RNFT2: variants seen among roughly 807,000 people sequenced by gnomAD.
The protein encoded by RNFT2 is ring finger protein, transmembrane 2, also known as E3 ubiquitin-protein ligase RNFT2.
In RNFT2, 36 loss-of-function variants were observed where a neutral mutation model predicts 53.0. The observed-to-expected ratio is 0.68, with a 90% confidence interval of 0.52 to 0.90. The LOEUF is 0.90. Among genes scored for constraint, RNFT2 ranks in the 40% least tolerant of loss-of-function variants. The pLI, the probability that RNFT2 is intolerant of heterozygous loss-of-function variation, is 0.00. For synonymous variants in RNFT2, 260 were observed against 253.2 expected (o/e 1.03, Z -0.26); for missense variants, 514 against 585.6 (o/e 0.88, Z 1.26).
chr12:116,741,156 C>A, intron 3 of RNFT2, 62 bp downstream of exon 3: 2 of 1,359,222 alleles, frequency 1.5e-6, no homozygotes, highest in South Asian at 2.5e-5. Context: ...AGGGGCAACC[C>A]AAAACTGGAT....
In RNFT2 at chr12:116,851,994, G is replaced by C; in HGVS notation, c.*2546G>C. 6.8e-7 allele frequency: 1 copy of C among 1,462,368 alleles called. No individual in the cohort carries two copies. Among genetic ancestry groups the C allele is most frequent in the Non-Finnish European group, 9.0e-7 (1 of 1,107,142 alleles). 90.6% of individuals were successfully genotyped at this position (1,462,368 alleles called of 1,614,324 possible). On this transcript the variant is annotated 3_prime_UTR_variant, in exon 11 of 11. Transcript: ENST00000257575. The stretch of plus-strand genomic sequence containing the variant: ...ATGTTATGGATGTTTCCACCAACCA[G>C]GGTAGTGGCATGGAGCACCGTAACC...
intron 5 of RNFT2, among the ~76,000 whole-genome samples, chr12:116,754,497 T>C (rs1343209291): frequency 6.6e-6 from 1 of 152,230 alleles, no homozygotes; most frequent in Non-Finnish European, 1.5e-5. Flanking sequence ...TCTGGGTAGA[T>C]ACCCAGTAGT....
intron 10 of RNFT2, among the ~76,000 whole-genome samples, chr12:116,847,593 T>C (rs975527116): frequency 2.4e-4 from 37 of 151,518 alleles, no homozygotes; most frequent in Non-Finnish European, 4.9e-4. Context: ...AATGGCACGA[T>C]CTCAGCTCAC....
chr12:116,840,074 T>C (rs1248822077), intron 10 of RNFT2, among the ~76,000 whole-genome samples: 4 of 152,194 alleles, frequency 2.6e-5, no homozygotes, highest in Non-Finnish European at 5.9e-5. Context: ...GCTTGGTTCA[T>C]TTAAAGAAAT....
At chr12:116,840,565 T>G (rs1418603831) in intron 10 of RNFT2, among the ~76,000 whole-genome samples, 1 of 152,218 alleles carries the variant, frequency 6.6e-6, no homozygotes, top group Non-Finnish European at 1.5e-5. Flanking sequence ...AATGAATGAA[T>G]GGCTAAGCTG....
At chr12:116,739,072 C>T (rs1265351666) in intron 1 of RNFT2, among the ~76,000 whole-genome samples, 1 of 152,116 alleles carries the variant, frequency 6.6e-6, no homozygotes, top group African/African-American at 2.4e-5. Context: ...CCATTGCTGC[C>T]CCCTCAAGAA....
chr12:116,787,992 A>G (rs964038446), intron 7 of RNFT2, among the ~76,000 whole-genome samples: 1 of 152,124 alleles, frequency 6.6e-6, no homozygotes, highest in African/African-American at 2.4e-5. Context: ...CAATGGCGCA[A>G]TCTCGGCTCA....
At chr12:116,838,644 G>A (rs181901983) in intron 10 of RNFT2, among the ~76,000 whole-genome samples, 36 of 152,306 alleles carry the variant, frequency 2.4e-4, no homozygotes, top group Admixed American at 1.5e-3. Flanking sequence ...AATTATGAGC[G>A]TGGTTGAGCA....
chr12:116,779,341 A>G lies in RNFT2; in HGVS notation c.875A>G (p.Lys292Arg), dbSNP rs777276989. The G allele has an allele frequency of 6.2e-6, 10 of 1,613,970 alleles. No homozygotes were observed. In the East Asian group the frequency reaches 2.2e-4, roughly 36 times the overall value. ...VALPKIILAV[K>R]SKGKFYLVIE... ...CTGCCCAAGATCATCCTGGCTGTCA[A>G]GTCCAAGGTAGGCACTGGCTGCGGC... Residue 292 changes from lysine (K) to arginine (R), a missense_variant, in exon 7 of 11, where the codon AAG becomes AGG. Lys to Arg is a conservative substitution (Grantham distance 26, BLOSUM62 2). Around this residue, in one of 3 missense-constraint regions of RNFT2, gnomAD observed 273 missense variants for 334.4 expected, o/e 0.82. Transcript: ENST00000257575.
At chr12:116,775,814 G>A (rs964302747) in intron 6 of RNFT2, among the ~76,000 whole-genome samples, 8 of 152,218 alleles carry the variant, frequency 5.3e-5, no homozygotes, top group Non-Finnish European at 1.2e-4. Context: ...AGGCCAAGGT[G>A]GGTGGATCAC....
chr12:116,748,171 C>T (rs147976487), intron 3 of RNFT2, among the ~76,000 whole-genome samples: 1,743 of 151,882 alleles, frequency 0.011, 14 homozygotes, highest in Non-Finnish European at 0.018. Flanking sequence ...GCCTGGGTGA[C>T]AGAGCAAGGC....
chr12:116,810,394 T>C (rs1347791447), intron 7 of RNFT2, among the ~76,000 whole-genome samples: 1 of 152,134 alleles, frequency 6.6e-6, no homozygotes, highest in Non-Finnish European at 1.5e-5. Context: ...TGTGCGTTTT[T>C]CCAGATAACT....
At chr12:116,822,732 T>C (rs988006957) in intron 7 of RNFT2, among the ~76,000 whole-genome samples, 10 of 152,206 alleles carry the variant, frequency 6.6e-5, no homozygotes, top group Admixed American at 5.9e-4. Flanking sequence ...CTGGGTGCAG[T>C]GGCTCACACC....
intron 7 of RNFT2, among the ~76,000 whole-genome samples, chr12:116,817,691 T>A (rs1875758220): frequency 6.6e-6 from 1 of 152,212 alleles, no homozygotes; most frequent in South Asian, 2.1e-4. Context: ...GTAAGTAAAG[T>A]ATATGTAGCA....
At chr12:116,841,185 C>T (rs1398837353) in intron 10 of RNFT2, among the ~76,000 whole-genome samples, 1 of 152,172 alleles carries the variant, frequency 6.6e-6, no homozygotes, top group Admixed American at 6.5e-5. Context: ...GGCATGGTAG[C>T]TCATGCCTAT....
intron 7 of RNFT2, among the ~76,000 whole-genome samples, chr12:116,781,133 CACTGACTAGCTGTGCAATCTTGGATG>C (rs1258221962): frequency 6.6e-6 from 1 of 152,200 alleles, no homozygotes; most frequent in Non-Finnish European, 1.5e-5. Context: ...GCCAGCTCTG[CACTGACTAGCTGTGCAATCTTGGATG>C]AATTACTTAG....
At chr12:116,835,936 G>GCCACCA in intron 8 of RNFT2, 24 bp from the exon 9 acceptor site, 1 of 1,613,860 alleles carries the variant, frequency 6.2e-7, no homozygotes, top group Non-Finnish European at 8.5e-7. Context: ...GTACATTTCA[G>GCCACCA]CCACCACCCT....
At chr12:116,824,196 G>A (rs1167778048) in intron 7 of RNFT2, among the ~76,000 whole-genome samples, 1 of 152,002 alleles carries the variant, frequency 6.6e-6, no homozygotes, top group Non-Finnish European at 1.5e-5. Context: ...TAGAACATTT[G>A]TTATGTATAG....
At position 116,802,229 on chromosome 12, in the gene RNFT2, G is replaced by A. The variant is rs544688028; in HGVS notation, c.882+22881G>A. ...CATAGTAAAGGCTCTGAGAAGTCCCGCAATAAAGAAATTCATTTCACTTTG... is the reference window on the plus strand; with the variant it reads ...CATAGTAAAGGCTCTGAGAAGTCCCACAATAAAGAAATTCATTTCACTTTG... On this transcript the variant is annotated intron_variant, in intron 7 of 10. Transcript: ENST00000257575. 4.6e-4 allele frequency among the ~76,000 whole-genome samples: 70 copies of A among 152,110 alleles called. 1 individual carries two copies. The highest frequency in any genetic ancestry group is 7.1e-4 in the Non-Finnish European group (48 of 68,012).
Sources: gnomAD v4.1 joint callset for allele counts (sites outside exome capture counted in the v4.1 genomes callset) on GRCh38, gnomAD v4.1.1 for gene constraint, gnomAD v4.1.1 regional missense constraint, MANE v1.5 for transcripts, NCBI Gene and HGNC (gene_info 2026-07-23, HGNC 2026-07-21) for gene names.